SMCHD1: variants seen among roughly 807,000 people sequenced by gnomAD.
SMCHD1 encodes the protein structural maintenance of chromosomes flexible hinge domain containing 1, also known as structural maintenance of chromosomes flexible hinge domain-containing protein 1.
Under a neutral mutation model 254.7 loss-of-function variants are expected in SMCHD1, and 78 were observed. That is an observed-to-expected ratio of 0.31 (90% CI 0.26 to 0.37). The LOEUF (loss-of-function observed/expected upper bound fraction) is 0.37, where lower values mean the gene tolerates loss of function less well. SMCHD1 is among the 10% of genes least tolerant of loss of function. SMCHD1 has a pLI of 1.00. For missense variants in SMCHD1, 1,840 were observed against 2,408.1 expected, an observed-to-expected ratio of 0.76 and a Z score of 4.94; for synonymous variants, 766 against 794.9, an observed-to-expected ratio of 0.96 and a Z score of 0.61.
At chr18:2,760,261 T>C (rs961238348) in intron 34 of SMCHD1, 1 of 162,304 alleles carries the variant, frequency 6.2e-6, no homozygotes, top group Non-Finnish European at 1.3e-5. Flanking sequence ...GAAAAAAAGT[T>C]ACATAGAAGA....
intron 8 of SMCHD1, among the ~76,000 whole-genome samples, chr18:2,695,707 C>T (rs2074272149): frequency 6.6e-6 from 1 of 152,076 alleles, no homozygotes; most frequent in African/African-American, 2.4e-5. Flanking sequence ...AAAATGGGTA[C>T]ATCTGCTCAA....
chr18:2,689,986 A>G (rs2074139418), intron 7 of SMCHD1, among the ~76,000 whole-genome samples: 1 of 151,970 alleles, frequency 6.6e-6, no homozygotes, highest in Non-Finnish European at 1.5e-5. Context: ...CTACATTCCA[A>G]TTTGGGCGAT....
chr18:2,714,404 G>T (rs532770997), intron 17 of SMCHD1, among the ~76,000 whole-genome samples: 1 of 151,980 alleles, frequency 6.6e-6, no homozygotes, highest in East Asian at 1.9e-4. Flanking sequence ...GCATTTAGTT[G>T]GTTCATTTAA....
At chr18:2,665,784 A>T (rs1000202757) in intron 1 of SMCHD1, among the ~76,000 whole-genome samples, 1 of 152,258 alleles carries the variant, frequency 6.6e-6, no homozygotes, top group African/African-American at 2.4e-5. Context: ...CTATATGAAC[A>T]TGAGTTATGT....
rs539916261 is a variant in SMCHD1, at chr18:2,703,943, A to G, written c.1842+57A>G. ...TAATTTTTAATTTAATTTAAAACAC[A>G]TATGCAGAATCACATGTATAGAAAA... On this transcript the variant is annotated intron_variant, in intron 13 of 47. Transcript: ENST00000320876. The G allele has an allele frequency of 1.5e-5, 20 of 1,304,572 alleles. 1 individual carries two copies. The East Asian group carries it at 3.7e-4, about 24-fold the overall frequency. 80.8% of individuals were successfully genotyped at this position (1,304,572 alleles called of 1,614,324 possible). A position where few individuals can be genotyped will look rare whatever the true frequency, so the allele number is the denominator to read the frequency against.
rs1488624500 is a variant in SMCHD1, at chr18:2,803,198, G to GTATATATATATATATATATAAATA, written c.*657_*680dup. 1 of 136,518 alleles carries GTATATATATATATATATATAAATA rather than the reference G, an allele frequency of 7.3e-6. No individual in the cohort carries two copies. Among genetic ancestry groups the GTATATATATATATATATATAAATA allele is most frequent in the African/African-American group, 2.7e-5 (1 of 36,816 alleles). 8.5% of individuals were successfully genotyped at this position (136,518 alleles called of 1,614,324 possible). Reference sequence around the variant, plus strand: ...ACTTATCCTGTGTGTGTGTGTGTGTGTATATATATATATATATATAAATAT... The same window carrying GTATATATATATATATATATAAATA: ...ACTTATCCTGTGTGTGTGTGTGTGTGTATATATATATATATATATAAATATATATATATATATATATATAAATAT... On this transcript the variant is annotated 3_prime_UTR_variant, in exon 48 of 48. Transcript: ENST00000320876.
chr18:2,703,940 C>G, intron 13 of SMCHD1, 54 bp downstream of exon 13: 1 of 1,337,816 alleles, frequency 7.5e-7, no homozygotes, highest in Non-Finnish European at 1.0e-6. Flanking sequence ...TAATTTAAAA[C>G]ACATATGCAG....
In SMCHD1 at chr18:2,786,697, AAAG is replaced by A. The variant is rs2076246064; in HGVS notation, c.5719+2079_5719+2081del. ...ACAAGAGCAAAACTCCATATAAAAA[AAAG>A]AAAAAGAAACACCAGTACTGTAGAA... On this transcript the variant is annotated intron_variant, in intron 45 of 47. Coordinates refer to ENST00000320876, the MANE Select transcript of SMCHD1 (RefSeq NM_015295.3). Among the ~76,000 whole-genome samples, 5 of 152,302 alleles carry A rather than the reference AAAG, an allele frequency of 3.3e-5. No individual in the cohort carries two copies. The South Asian group carries it at 1.0e-3, about 32-fold the overall frequency.
At chr18:2,738,579 C>T in intron 26 of SMCHD1, 34 bp downstream of exon 26, 2 of 1,562,380 alleles carry the variant, frequency 1.3e-6, no homozygotes, top group Non-Finnish European at 1.7e-6. Context: ...CAGCCTATGG[C>T]AACAAAATAC....
At chr18:2,771,509 C>T in intron 39 of SMCHD1, 24 bp from the exon 40 acceptor site, 1 of 1,531,256 alleles carries the variant, frequency 6.5e-7, no homozygotes, top group Admixed American at 2.4e-5. Context: ...GAAATTGATG[C>T]AAATTTTTGG....
chr18:2,713,158 C>G (rs984894354), intron 17 of SMCHD1, among the ~76,000 whole-genome samples: 2 of 152,162 alleles, frequency 1.3e-5, no homozygotes, highest in African/African-American at 4.8e-5. Context: ...CATTGGCAGT[C>G]CAGTAGTTTG....
chr18:2,656,406 A>T, intron 1 of SMCHD1, 145 bp downstream of exon 1: 5 of 794,388 alleles, frequency 6.3e-6, no homozygotes, highest in Non-Finnish European at 8.7e-6. Context: ...TGTGCCCGCC[A>T]TGTCCGTGAC....
intron 39 of SMCHD1, 130 bp downstream of exon 39, chr18:2,770,238 T>A: frequency 1.1e-6 from 1 of 885,190 alleles, no homozygotes; most frequent in Non-Finnish European, 1.6e-6. Context: ...AGAAAGGTGG[T>A]AATGATGGTT....
rs372451234 is a variant in SMCHD1 at position 2,762,214 on chromosome 18, G to A, written c.4544G>A (p.Arg1515Lys). 35 of 1,613,564 alleles carry A rather than the reference G, an allele frequency of 2.2e-5. No individual in the cohort carries two copies. Among genetic ancestry groups the A allele is most frequent in the Non-Finnish European group, 2.8e-5 (33 of 1,179,722 alleles). Residue 1515 changes from arginine to lysine, a missense_variant, in exon 36 of 48, where the codon AGA becomes AAA. Physicochemically the swap from Arg to Lys is conservative, Grantham distance 26. Around this residue, in one of 9 missense-constraint regions of SMCHD1, gnomAD observed 881 missense variants for 1,009.5 expected, o/e 0.87. Coordinates refer to ENST00000320876, the MANE Select transcript of SMCHD1 (RefSeq NM_015295.3). ...TCAGTTGCCAGTAGGACCTTGGTCAGAGATCTACATCTTAGTATCACGGTA... is the reference window on the plus strand; with the variant it reads ...TCAGTTGCCAGTAGGACCTTGGTCAAAGATCTACATCTTAGTATCACGGTA... Reference protein sequence around the residue: ...VRSVASRTLVRDLHLSITDDY... With the variant: ...VRSVASRTLVKDLHLSITDDY...
chr18:2,756,540 T>G (rs2075681689), intron 34 of SMCHD1, among the ~76,000 whole-genome samples: 1 of 152,200 alleles, frequency 6.6e-6, no homozygotes, highest in Non-Finnish European at 1.5e-5. Flanking sequence ...ATTCAGAAGT[T>G]ATAGAACTAT....
At chr18:2,665,512 G>C (rs562460802) in intron 1 of SMCHD1, among the ~76,000 whole-genome samples, 1 of 152,082 alleles carries the variant, frequency 6.6e-6, no homozygotes. Context: ...GTAGAGACAG[G>C]GTTTCACCAT....
At chr18:2,759,025 G>A (rs186216997) in intron 34 of SMCHD1, among the ~76,000 whole-genome samples, 42 of 152,156 alleles carry the variant, frequency 2.8e-4, no homozygotes, top group Middle Eastern at 6.8e-3. Context: ...CCCTCCTTCA[G>A]TTGCCAATTT....
Position 2,705,727 on chromosome 18 carries a change from G to T in SMCHD1, c.1876G>T (p.Gly626Ter). ...KTIKTLPLFY[G>*]SIVRFFLYGD... ...AATCAAGACACTTCCCCTCTTTTAT[G>T]GAAGCATAGTAAGATTTTTTCTTTA... is the stretch of plus-strand genomic sequence containing the variant. The change falls in exon 14 of 48, where the codon GGA becomes TGA. Residue 626 changes from glycine to a stop codon, truncating the protein, a stop_gained. Coordinates refer to ENST00000320876, the MANE Select transcript of SMCHD1 (RefSeq NM_015295.3). LOFTEE classifies it high-confidence loss of function. 1 of 1,600,302 alleles carries T rather than the reference G, an allele frequency of 6.2e-7. No homozygotes were observed. Among genetic ancestry groups the T allele is most frequent in the Non-Finnish European group, 8.5e-7 (1 of 1,170,986 alleles).
At chr18:2,789,365 CAT>C (rs1296902899) in intron 45 of SMCHD1, among the ~76,000 whole-genome samples, 2 of 152,052 alleles carry the variant, frequency 1.3e-5, no homozygotes, top group Admixed American at 1.3e-4. Flanking sequence ...TCAAGTAAAA[CAT>C]AGAAATGTTA....
Sources: gnomAD v4.1 joint callset for allele counts (sites outside exome capture counted in the v4.1 genomes callset) on GRCh38, gnomAD v4.1.1 for gene constraint, gnomAD v4.1.1 regional missense constraint, MANE v1.5 for transcripts, NCBI Gene and HGNC (gene_info 2026-07-23, HGNC 2026-07-21) for gene names.